The following ITPKB variants were observed in gnomAD, a reference collection of about 807,000 sequenced individuals.
ITPKB encodes the protein IP3 3-kinase B.
Under a neutral mutation model 69.4 loss-of-function variants are expected in ITPKB, and 13 were observed. The observed-to-expected ratio is 0.19, with a 90% CI of 0.12 to 0.30. The LOEUF (loss-of-function observed/expected upper bound fraction) is 0.30. Among genes scored for constraint, ITPKB ranks in the 10% least tolerant of loss-of-function variants. ITPKB has a pLI of 1.00. For synonymous variants in ITPKB, 584 were observed against 513.7 expected, an observed-to-expected ratio of 1.14 and a Z score of -1.85; for missense variants, 1,240 against 1,250.5, an observed-to-expected ratio of 0.99 and a Z score of 0.13.
chr1:226,721,862 G>A (rs1268917533), intron 2 of ITPKB, among the ~76,000 whole-genome samples: 1 of 149,456 alleles, frequency 6.7e-6, no homozygotes, highest in Non-Finnish European at 1.5e-5. Flanking sequence ...GGCCCAGGCT[G>A]GAGTGCAGTG....
At chr1:226,735,069 A>G (rs1657703713) in intron 2 of ITPKB, among the ~76,000 whole-genome samples, 1 of 152,206 alleles carries the variant, frequency 6.6e-6, no homozygotes, top group Non-Finnish European at 1.5e-5. Flanking sequence ...CTGGCTTATT[A>G]GTAGAGGCTA....
At chr1:226,663,078 T>C (rs1055395437) in intron 2 of ITPKB, among the ~76,000 whole-genome samples, 9 of 152,176 alleles carry the variant, frequency 5.9e-5, no homozygotes, top group Admixed American at 2.0e-4. Flanking sequence ...CCCCCAAGTA[T>C]GAGCAAGACT....
chr1:226,670,893 A>G (rs1475180550), intron 2 of ITPKB, among the ~76,000 whole-genome samples: 1 of 152,226 alleles, frequency 6.6e-6, no homozygotes, highest in Non-Finnish European at 1.5e-5. Context: ...GATGATACCT[A>G]TTCTTTTTAT....
intron 2 of ITPKB, among the ~76,000 whole-genome samples, chr1:226,675,391 G>A (rs774291252): frequency 7.9e-5 from 12 of 152,180 alleles, no homozygotes; most frequent in South Asian, 6.2e-4. Context: ...GTCCAATCAC[G>A]AAGCACAGAT....
Position 226,735,770 on chromosome 1 carries a change from G to A in ITPKB, c.1689C>T (p.Pro563=). ...TAATGATGACAGCAGGTATGTTGCT[G>A]GGGCTGCAGGCCTTCCTCAGGAAAG... ...DKPFLRKACS[P]SNIPAVIITD... is the part of the protein sequence containing the mutation. Residue 563 remains proline, a synonymous_variant, in exon 2 of 8, where the codon CCC becomes CCT. Transcript: ENST00000429204. 8 of 1,600,030 alleles carry A rather than the reference G, an allele frequency of 5.0e-6. No individual in the cohort carries two copies. Among genetic ancestry groups the A allele is most frequent in the Non-Finnish European group, 6.8e-6 (8 of 1,169,200 alleles).
rs1190685774 is a variant in ITPKB at position 226,641,091 on chromosome 1, C to T, written c.2451+830G>A. On this transcript the variant is annotated intron_variant, in intron 5 of 7. Coordinates refer to ENST00000429204, the MANE Select transcript of ITPKB (RefSeq NM_002221.4). This position sits in a 1 kb window ranked among gnomAD's most constrained non-coding sequence, Gnocchi z 4.6. ...TCTGAGACCCTGAGGGGCCGGCGCC[C>T]CAAAGCCCGGCTCTTGCAAATTTAA... Among the ~76,000 whole-genome samples, 4 of 152,192 alleles carry T rather than the reference C, an allele frequency of 2.6e-5. No individual in the cohort carries two copies. The highest frequency in any genetic ancestry group is 7.2e-5 in the African/African-American group (3 of 41,440).
intron 2 of ITPKB, among the ~76,000 whole-genome samples, chr1:226,703,548 C>G (rs1013699857): frequency 6.6e-6 from 1 of 152,180 alleles, no homozygotes; most frequent in Admixed American, 6.5e-5. Flanking sequence ...GCCGCCCACG[C>G]GCGGAAGCCC....
chr1:226,655,481 C>G (rs1319381093), intron 2 of ITPKB, among the ~76,000 whole-genome samples: 1 of 152,190 alleles, frequency 6.6e-6, no homozygotes, highest in Non-Finnish European at 1.5e-5. Flanking sequence ...GGGGAGGGCT[C>G]AAGGCCACCG....
intron 4 of ITPKB, among the ~76,000 whole-genome samples, chr1:226,643,033 A>G (rs1370853428): frequency 6.6e-6 from 1 of 152,128 alleles, no homozygotes; most frequent in Non-Finnish European, 1.5e-5. Flanking sequence ...ACCCCACCCC[A>G]TCGACACCAG....
At chr1:226,672,334 A>T (rs1208980633) in intron 2 of ITPKB, among the ~76,000 whole-genome samples, 1 of 152,200 alleles carries the variant, frequency 6.6e-6, no homozygotes, top group Non-Finnish European at 1.5e-5. Context: ...AAAATGACAT[A>T]TGCTTGACAC....
At chr1:226,684,459 T>C (rs994747285) in intron 2 of ITPKB, among the ~76,000 whole-genome samples, 3 of 152,116 alleles carry the variant, frequency 2.0e-5, no homozygotes, top group Admixed American at 1.3e-4. Flanking sequence ...TCAATGAGCA[T>C]AGCAGAGCAG....
Position 226,655,511 on chromosome 1 carries a change from T to A in ITPKB, c.1933-6740A>T, listed in dbSNP as rs3754387. Among the ~76,000 whole-genome samples, 759 of 152,250 alleles carry A rather than the reference T, an allele frequency of 5.0e-3. 7 individuals are homozygous for A. Among genetic ancestry groups the A allele is most frequent in the African/African-American group, 0.017 (715 of 41,552 alleles). On this transcript the variant is annotated intron_variant, in intron 2 of 7. Coordinates refer to ENST00000429204, the MANE Select transcript of ITPKB (RefSeq NM_002221.4). ...CCACCGGCACCTGTGGCTCTCTTTT[T>A]GGGGCTCAGAGAAGTCCCCTGGAAA...
chr1:226,716,647 C>G (rs1348627864), intron 2 of ITPKB, among the ~76,000 whole-genome samples: 1 of 152,182 alleles, frequency 6.6e-6, no homozygotes, highest in African/African-American at 2.4e-5. Context: ...CAACCAGCAT[C>G]AAACCTAGGT....
rs1657781699 is a variant in ITPKB at position 226,736,680 on chromosome 1, C to G, written c.779G>C (p.Gly260Ala). 4 of 1,613,044 alleles carry G rather than the reference C, an allele frequency of 2.5e-6. No individual in the cohort carries two copies. The South Asian group carries it at 4.4e-5, about 18-fold the overall frequency. ...GPSAFVRMEK[G>A]IPASPRCGSP... The stretch of plus-strand genomic sequence containing the variant: ...GCCACAGCGGGGACTGGCAGGGATA[C>G]CCTTCTCCATCCTTACAAAAGCGGA... The change falls in exon 2 of 8, where the codon GGT becomes GCT. Residue 260 changes from glycine (G) to alanine (A), a missense_variant. Around this residue, in one of 2 missense-constraint regions of ITPKB, gnomAD observed 992 missense variants for 853.8 expected, o/e 1.16. Transcript: ENST00000429204.
At chr1:226,664,865 A>T (rs1213487799) in intron 2 of ITPKB, among the ~76,000 whole-genome samples, 2 of 152,224 alleles carry the variant, frequency 1.3e-5, no homozygotes, top group Non-Finnish European at 2.9e-5. Context: ...GTGTGTGGCC[A>T]GCACGACGCA....
At position 226,634,484 on chromosome 1, in the gene ITPKB, A is replaced by C; in HGVS notation, c.*187T>G. On this transcript the variant is annotated 3_prime_UTR_variant, in exon 8 of 8. Transcript: ENST00000429204. The surrounding 1 kb of genome is among the most constrained non-coding windows in gnomAD (Gnocchi z 6.3). ...GACCCTCTCTACAAAAAGCAGTGCA[A>C]ACACCACCTCCAAGCCCTGAAGTTA... 1 of 590,746 alleles carries C rather than the reference A, an allele frequency of 1.7e-6. No homozygotes were observed. Among genetic ancestry groups the C allele is most frequent in the Non-Finnish European group, 3.0e-6 (1 of 330,332 alleles). 36.6% of individuals were successfully genotyped at this position (590,746 alleles called of 1,614,324 possible). A position where few individuals can be genotyped will look rare whatever the true frequency, so the allele number is the denominator to read the frequency against.
At chr1:226,682,061 A>G (rs374507928) in intron 2 of ITPKB, among the ~76,000 whole-genome samples, 1 of 152,326 alleles carries the variant, frequency 6.6e-6, no homozygotes, top group East Asian at 1.9e-4. Flanking sequence ...CCAGTAGTCA[A>G]AGGACCACCA....
chr1:226,731,341 C>G (rs1558099796), intron 2 of ITPKB, among the ~76,000 whole-genome samples: 1 of 152,130 alleles, frequency 6.6e-6, no homozygotes, highest in Non-Finnish European at 1.5e-5. Flanking sequence ...TTTGATGATA[C>G]TTTTTCAGTA....
intron 3 of ITPKB, among the ~76,000 whole-genome samples, chr1:226,648,290 G>A (rs2102745785): frequency 6.6e-6 from 1 of 152,336 alleles, no homozygotes; most frequent in Non-Finnish European, 1.5e-5. Context: ...CTCAATGAAG[G>A]GGTTAGCTTT....
Sources: gnomAD v4.1 joint callset for allele counts (sites outside exome capture counted in the v4.1 genomes callset) on GRCh38, gnomAD v4.1.1 for gene constraint, gnomAD v4.1.1 regional missense constraint, Gnocchi (gnomAD v3.1) non-coding constraint, MANE v1.5 for transcripts, NCBI Gene and HGNC (gene_info 2026-07-23, HGNC 2026-07-21) for gene names.